The following SHISA9 variants were observed in gnomAD, a reference collection of about 807,000 sequenced individuals.
SHISA9 encodes the protein shisa family member 9.
SHISA9 carries 13 observed loss-of-function variants against 38.0 expected under a neutral mutation model. The observed-to-expected ratio is 0.34, with a 90% CI of 0.22 to 0.54. SHISA9 has a LOEUF of 0.54. Among genes scored for constraint, SHISA9 ranks in the 20% least tolerant of loss-of-function variants. The pLI, the probability that SHISA9 is intolerant of heterozygous loss-of-function variation, is 0.91. For missense variants in SHISA9, 538 were observed against 575.8 expected, an observed-to-expected ratio of 0.93 and a Z score of 0.67; for synonymous variants, 275 against 242.0, an observed-to-expected ratio of 1.14 and a Z score of -1.27.
At chr16:12,972,594 A>G (rs2072099354) in intron 2 of SHISA9, among the ~76,000 whole-genome samples, 2 of 152,346 alleles carry the variant, frequency 1.3e-5, no homozygotes, top group South Asian at 2.1e-4. Flanking sequence ...GTTCTATTCA[A>G]TATAGCAGGC....
At chr16:12,975,831 G>C (rs1773708701) in intron 2 of SHISA9, among the ~76,000 whole-genome samples, 1 of 152,160 alleles carries the variant, frequency 6.6e-6, no homozygotes, top group South Asian at 2.1e-4. Flanking sequence ...ATGCTTAGTG[G>C]CCTGAGTGAT....
chr16:13,122,358 G>A (rs2050219316), intron 2 of SHISA9, among the ~76,000 whole-genome samples: 2 of 152,196 alleles, frequency 1.3e-5, no homozygotes, highest in African/African-American at 4.8e-5. Flanking sequence ...CCTCTGGCAA[G>A]CAGTTATCTT....
At chr16:13,385,349 T>C in the SHISA9 span, among the ~76,000 whole-genome samples, 7 of 152,196 alleles carry the variant, frequency 4.6e-5, no homozygotes, top group Non-Finnish European at 1.0e-4. Context: ...ACAGGAATGC[T>C]TATAGCAGCT....
At chr16:13,233,926 C>T (rs535948973) in intron 4 of SHISA9, among the ~76,000 whole-genome samples, 1 of 152,070 alleles carries the variant, frequency 6.6e-6, no homozygotes, top group Admixed American at 6.5e-5. Flanking sequence ...TCATCTGAAC[C>T]TAGGAGGTAG....
At chr16:13,526,518 G>A in the SHISA9 span, among the ~76,000 whole-genome samples, 49 of 152,132 alleles carry the variant, frequency 3.2e-4, 1 homozygote, top group Middle Eastern at 6.8e-3. Context: ...TGAGTGGCTG[G>A]GATTACAGGT....
chr16:13,512,027 C>T, the SHISA9 span, among the ~76,000 whole-genome samples: 1 of 152,164 alleles, frequency 6.6e-6, no homozygotes, highest in Non-Finnish European at 1.5e-5. Context: ...TAGAAGGGAA[C>T]TGCCTGGAGA....
intron 2 of SHISA9, among the ~76,000 whole-genome samples, chr16:13,196,287 C>G (rs1272813260): frequency 6.7e-6 from 1 of 149,406 alleles, no homozygotes; most frequent in African/African-American, 2.5e-5. Context: ...GTTCCAGCTA[C>G]TCGGGAGGCT....
At chr16:13,528,525 C>A in the SHISA9 span, among the ~76,000 whole-genome samples, 161 of 151,998 alleles carry the variant, frequency 1.1e-3, 2 homozygotes, top group Non-Finnish European at 4.0e-4. Flanking sequence ...CATCAAGATC[C>A]TCATTAAAAG....
chr16:13,288,471 G>A, the SHISA9 span, among the ~76,000 whole-genome samples: 1 of 151,992 alleles, frequency 6.6e-6, no homozygotes, highest in Non-Finnish European at 1.5e-5. Context: ...AAGGGAGAGA[G>A]AGAGACAAAG....
chr16:13,345,831 T>C, the SHISA9 span, among the ~76,000 whole-genome samples: 10 of 152,192 alleles, frequency 6.6e-5, no homozygotes, highest in African/African-American at 2.4e-4. Context: ...TGGTTTTGAT[T>C]TGCATTTCTC....
At chr16:13,379,640 C>T in the SHISA9 span, among the ~76,000 whole-genome samples, 2 of 152,216 alleles carry the variant, frequency 1.3e-5, no homozygotes, top group Non-Finnish European at 2.9e-5. Context: ...GTCCCTGTGC[C>T]TAACAATAGT....
the SHISA9 span, among the ~76,000 whole-genome samples, chr16:13,488,399 C>T: frequency 6.6e-6 from 1 of 152,174 alleles, no homozygotes; most frequent in Admixed American, 6.5e-5. Context: ...ATCTGGGAAG[C>T]TTTCATATGA....
At chr16:13,316,599 A>G in the SHISA9 span, among the ~76,000 whole-genome samples, 6 of 152,194 alleles carry the variant, frequency 3.9e-5, no homozygotes, top group African/African-American at 1.2e-4. Context: ...AAATGACTTC[A>G]ATAACTTTCA....
chr16:13,442,236 T>C, the SHISA9 span, among the ~76,000 whole-genome samples: 2 of 152,272 alleles, frequency 1.3e-5, no homozygotes. Flanking sequence ...ATAAATCTTT[T>C]TCCAGCTGTA....
intron 2 of SHISA9, among the ~76,000 whole-genome samples, chr16:13,042,520 C>T (rs1294502961): frequency 6.6e-6 from 1 of 152,168 alleles, no homozygotes; most frequent in Non-Finnish European, 1.5e-5. Flanking sequence ...TCAAAGTCTT[C>T]CCAAGCCAAG....
the SHISA9 span, among the ~76,000 whole-genome samples, chr16:13,472,596 G>A: frequency 6.6e-6 from 1 of 151,964 alleles, no homozygotes; most frequent in South Asian, 2.1e-4. Context: ...GTTTCACCAT[G>A]TTAGCCAGGA....
At chr16:13,392,685 C>T in the SHISA9 span, among the ~76,000 whole-genome samples, 1 of 152,164 alleles carries the variant, frequency 6.6e-6, no homozygotes, top group Admixed American at 6.5e-5. Context: ...GAAATAAAAC[C>T]GATTTGCTGT....
chr16:13,175,980 A>C (rs1311040122), intron 2 of SHISA9, among the ~76,000 whole-genome samples: 1 of 152,168 alleles, frequency 6.6e-6, no homozygotes, highest in Non-Finnish European at 1.5e-5. Context: ...GTCTCTTGCC[A>C]AATCAAATCT....
At chr16:13,350,883 G>A in the SHISA9 span, among the ~76,000 whole-genome samples, 1 of 152,182 alleles carries the variant, frequency 6.6e-6, no homozygotes, top group Non-Finnish European at 1.5e-5. Context: ...CAAAGTCAGA[G>A]TAAGTAGGAC....
Sources: allele counts gnomAD v4.1 joint callset (sites outside exome capture counted in the v4.1 genomes callset), GRCh38; gene constraint gnomAD v4.1.1; transcripts MANE v1.5; gene names NCBI Gene and HGNC (gene_info 2026-07-23, HGNC 2026-07-21).